The following SPIDR variants were observed in gnomAD, a reference collection of about 807,000 sequenced individuals.
SPIDR encodes the protein scaffold protein involved in DNA repair.
In SPIDR, 93 loss-of-function variants were observed where a neutral mutation model predicts 104.6. The ratio of observed to expected loss-of-function variants is 0.89; its 90% CI spans 0.75 to 1.06. The LOEUF is 1.06. Ranked by LOEUF, SPIDR falls within the 50% of genes least tolerant of loss-of-function variation. The pLI, the probability that SPIDR is intolerant of heterozygous loss-of-function variation, is 0.00. For synonymous variants in SPIDR, 431 were observed against 416.9 expected (o/e 1.03, Z -0.41); for missense variants, 1,154 against 1,111.2 (o/e 1.04, Z -0.55).
At chr8:47,483,934 T>A (rs2077205421) in intron 8 of SPIDR, among the ~76,000 whole-genome samples, 2 of 152,054 alleles carry the variant, frequency 1.3e-5, no homozygotes, top group Non-Finnish European at 2.9e-5. Context: ...AAAAGAGAAT[T>A]TTGATACCCA....
At chr8:47,689,958 G>A (rs1270699787) in intron 11 of SPIDR, among the ~76,000 whole-genome samples, 1 of 152,140 alleles carries the variant, frequency 6.6e-6, no homozygotes, top group Non-Finnish European at 1.5e-5. Flanking sequence ...CATTATATGA[G>A]GGGAGGCTAC....
chr8:47,540,946 A>G (rs934361670), intron 8 of SPIDR, among the ~76,000 whole-genome samples: 1 of 152,002 alleles, frequency 6.6e-6, no homozygotes, highest in Non-Finnish European at 1.5e-5. Flanking sequence ...TACAACCTCT[A>G]CTTCTCAGGT....
chr8:47,727,328 A>T, intron 17 of SPIDR, 35 bp downstream of exon 17: 1 of 1,602,946 alleles, frequency 6.2e-7, no homozygotes, highest in Non-Finnish European at 8.5e-7. Context: ...AAGCCCTAGA[A>T]CTGAAAGGGC....
At chr8:47,390,870 C>T (rs1265148713) in intron 5 of SPIDR, among the ~76,000 whole-genome samples, 1 of 152,116 alleles carries the variant, frequency 6.6e-6, no homozygotes, top group Non-Finnish European at 1.5e-5. Flanking sequence ...ACTTATGGCC[C>T]TCCTTTCTCG....
At chr8:47,605,139 A>T (rs952529619) in intron 10 of SPIDR, among the ~76,000 whole-genome samples, 17 of 152,234 alleles carry the variant, frequency 1.1e-4, no homozygotes, top group Admixed American at 3.9e-4. Context: ...GTCCTCTTGC[A>T]TTGGAAAGCA....
At chr8:47,633,573 A>AAAC (rs1554527363) in intron 10 of SPIDR, among the ~76,000 whole-genome samples, 3 of 151,154 alleles carry the variant, frequency 2.0e-5, no homozygotes, top group Non-Finnish European at 3.0e-5. Context: ...AAAAAAAAAA[A>AAAC]CAAAAACCAA....
intron 8 of SPIDR, among the ~76,000 whole-genome samples, chr8:47,564,162 T>G (rs2057468208): frequency 7.6e-6 from 1 of 132,250 alleles, no homozygotes; most frequent in African/African-American, 2.8e-5. Flanking sequence ...CACTGCAACC[T>G]CCACCTCCCG....
intron 3 of SPIDR, among the ~76,000 whole-genome samples, chr8:47,287,470 C>G (rs2039063364): frequency 1.3e-5 from 2 of 152,052 alleles, no homozygotes; most frequent in Admixed American, 1.3e-4. Context: ...GAGGGTACTG[C>G]AGGAGACCAG....
At chr8:47,685,497 A>ATTTTTTTTTTTTTTTTTTTTTTTTTTT (rs1383864694) in intron 11 of SPIDR, among the ~76,000 whole-genome samples, 1 of 113,138 alleles carries the variant, frequency 8.8e-6, no homozygotes, top group Non-Finnish European at 2.1e-5. Context: ...TTATTTATTT[A>ATTTTTTTTTTTTTTTTTTTTTTTTTTT]TTTATTTATT....
At chr8:47,491,561 C>T (rs1554739606) in intron 8 of SPIDR, among the ~76,000 whole-genome samples, 1 of 151,932 alleles carries the variant, frequency 6.6e-6, no homozygotes. Context: ...AGAGCAGCTA[C>T]CTGAGGTAGC....
At chr8:47,402,368 AGGAGAT>A (rs1212830489) in intron 6 of SPIDR, among the ~76,000 whole-genome samples, 6 of 152,238 alleles carry the variant, frequency 3.9e-5, no homozygotes, top group Non-Finnish European at 7.3e-5. Context: ...GCAGAACTGA[AGGAGAT>A]AGAGACAAAA....
intron 9 of SPIDR, among the ~76,000 whole-genome samples, chr8:47,598,207 G>A (rs1299198079): frequency 1.3e-5 from 2 of 152,196 alleles, no homozygotes; most frequent in African/African-American, 4.8e-5. Flanking sequence ...ACTACTTGTA[G>A]CATAATGGTT....
intron 5 of SPIDR, among the ~76,000 whole-genome samples, chr8:47,331,989 CTTTTTTTTTTTTTTTTT>C (rs1289524835): frequency 1.9e-4 from 7 of 36,328 alleles, no homozygotes; most frequent in African/African-American, 6.2e-4. Flanking sequence ...TTTTTTTTCT[CTTTTTTTTTTTTTTTTT>C]TTTTTATTAT....
Position 47,591,511 on chromosome 8 carries a change from T to A in SPIDR, c.1098-4300T>A, listed in dbSNP as rs2061008560. ...TACTAAAACATAAGATTTGCAGAAA[T>A]TTCCAGACAAGCCATACAAAATGGT... On this transcript the variant is annotated intron_variant, in intron 8 of 19. Transcript: ENST00000297423. 3.3e-5 allele frequency among the ~76,000 whole-genome samples: 5 copies of A among 152,008 alleles called. 1 individual carries two copies. The South Asian group carries it at 1.0e-3, about 32-fold the overall frequency.
intron 10 of SPIDR, among the ~76,000 whole-genome samples, chr8:47,625,321 T>G (rs924329089): frequency 1.3e-5 from 2 of 152,300 alleles, no homozygotes; most frequent in East Asian, 1.9e-4. Flanking sequence ...CTTTGAAAAC[T>G]GGCACAAGAC....
intron 14 of SPIDR, among the ~76,000 whole-genome samples, chr8:47,712,461 G>A (rs888801851): frequency 6.6e-6 from 1 of 152,208 alleles, no homozygotes; most frequent in African/African-American, 2.4e-5. Context: ...CCCAACCAAG[G>A]AAGCCTTTAA....
At chr8:47,505,901 C>A (rs1404314755) in intron 8 of SPIDR, among the ~76,000 whole-genome samples, 1 of 152,190 alleles carries the variant, frequency 6.6e-6, no homozygotes, top group Admixed American at 6.5e-5. Context: ...GTATACTTAG[C>A]CTATATCTTG....
chr8:47,393,673 T>TTTTCC (rs143995416), intron 5 of SPIDR, among the ~76,000 whole-genome samples: 4,932 of 102,384 alleles, frequency 0.048, 224 homozygotes, highest in African/African-American at 0.12. Context: ...TCCCTTTCCT[T>TTTTCC]TTTCCTTTCC....
chr8:47,325,020 C>T (rs2154264700), intron 5 of SPIDR, among the ~76,000 whole-genome samples: 1 of 152,182 alleles, frequency 6.6e-6, no homozygotes, highest in South Asian at 2.1e-4. Context: ...GATTAGGGCC[C>T]ACCCTAACGG....
Sources: allele counts gnomAD v4.1 joint callset (sites outside exome capture counted in the v4.1 genomes callset), GRCh38; gene constraint gnomAD v4.1.1; transcripts MANE v1.5; gene names NCBI Gene and HGNC (gene_info 2026-07-23, HGNC 2026-07-21).